TXNDC12: variants seen among roughly 807,000 people sequenced by gnomAD.
The protein encoded by TXNDC12 is thioredoxin domain containing 12, also known as thioredoxin domain-containing protein 12.
A neutral mutation model predicts 24.2 loss-of-function variants in TXNDC12; 22 were observed. The ratio of observed to expected loss-of-function variants is 0.91; its 90% CI spans 0.65 to 1.30. TXNDC12 has a LOEUF of 1.30. Ranked by LOEUF, TXNDC12 falls within the 50% of genes most tolerant of loss-of-function variation. The probability of loss-of-function intolerance (pLI) is 0.00; values close to 1 mark genes in which losing one functional copy is unlikely to be tolerated. For missense variants in TXNDC12, 184 were observed against 205.8 expected (o/e 0.89, Z 0.65); for synonymous variants, 58 against 73.4 (o/e 0.79, Z 1.07).
At chr1:52,040,787 T>G (rs1685972629) in intron 2 of TXNDC12, among the ~76,000 whole-genome samples, 1 of 151,970 alleles carries the variant, frequency 6.6e-6, no homozygotes, top group African/African-American at 2.4e-5. Flanking sequence ...TCCCAGCACT[T>G]TGGGAGGCCG....
intron 4 of TXNDC12, among the ~76,000 whole-genome samples, chr1:52,025,936 C>G (rs1466445768): frequency 6.6e-6 from 1 of 151,634 alleles, no homozygotes; most frequent in East Asian, 1.9e-4. Context: ...TCAAGCGATT[C>G]TCCTGCCTCA....
intron 1 of TXNDC12, among the ~76,000 whole-genome samples, chr1:52,042,786 C>G (rs1686018658): frequency 6.6e-6 from 1 of 152,158 alleles, no homozygotes; most frequent in Non-Finnish European, 1.5e-5. Flanking sequence ...CCAAGCCTGG[C>G]TAATTCTGTA....
At chr1:52,033,974 TA>T in intron 2 of TXNDC12, 1 of 1,417,584 alleles carries the variant, frequency 7.1e-7, no homozygotes, top group Non-Finnish European at 9.2e-7. Flanking sequence ...ATCAGTTATT[TA>T]TGCCAAATGT....
At chr1:52,031,568 C>T (rs1685757786) in intron 2 of TXNDC12, among the ~76,000 whole-genome samples, 1 of 151,996 alleles carries the variant, frequency 6.6e-6, no homozygotes, top group Non-Finnish European at 1.5e-5. Flanking sequence ...TCTCAGCTCA[C>T]TGCAACCTCC....
At chr1:52,032,844 G>A (rs1685792133) in intron 2 of TXNDC12, 1 of 1,614,256 alleles carries the variant, frequency 6.2e-7, no homozygotes, top group Non-Finnish European at 8.5e-7. Context: ...TAAACCGCAA[G>A]TGCTCTGTGG....
chr1:52,054,631 G>A (rs1371265588), intron 1 of TXNDC12, among the ~76,000 whole-genome samples: 5 of 152,200 alleles, frequency 3.3e-5, no homozygotes, highest in Non-Finnish European at 7.3e-5. Context: ...ACCCAGAACA[G>A]GGTCCTCTGC....
chr1:52,033,207 T>G (rs1447291382), intron 2 of TXNDC12: 1 of 1,614,226 alleles, frequency 6.2e-7, no homozygotes, highest in South Asian at 1.1e-5. Context: ...TCACAAGAGC[T>G]GGAGACTCCG....
At chr1:52,033,146 G>A in intron 2 of TXNDC12, 6 of 1,614,212 alleles carry the variant, frequency 3.7e-6, no homozygotes, top group South Asian at 1.1e-5. Flanking sequence ...AGGAGTTCGG[G>A]AGAGTAAAAG....
chr1:52,048,473 T>TA lies in TXNDC12; in HGVS notation c.97+6526dup, dbSNP rs57230386. On this transcript the variant is annotated intron_variant, in intron 1 of 6. Transcript: ENST00000371626. ...AGAGGGTGACCCTGTTTCTTTTCTT[T>TA]AAAAAAAAAAAAAAAAAAGCATGCC... Among the ~76,000 whole-genome samples the TA allele has an allele frequency of 5.1e-3, 603 of 118,766 alleles. 2 individuals are homozygous for TA. Among genetic ancestry groups the TA allele is most frequent in the African/African-American group, 7.8e-3 (253 of 32,238 alleles). 77.9% of individuals were successfully genotyped at this position (118,766 alleles called of 152,430 possible).
At chr1:52,033,256 T>C in intron 2 of TXNDC12, 1 of 1,613,980 alleles carries the variant, frequency 6.2e-7, no homozygotes, top group Non-Finnish European at 8.5e-7. Context: ...CTTGGGTACG[T>C]CGGCCTGGGC....
rs1685578931 is a variant in TXNDC12, at chr1:52,020,608, G to A, written c.*325C>T. The A allele has an allele frequency of 3.1e-6, 1 of 325,918 alleles. No individual in the cohort carries two copies. Among genetic ancestry groups the A allele is most frequent in the Non-Finnish European group, 5.6e-6 (1 of 177,906 alleles). 20.2% of individuals were successfully genotyped at this position (325,918 alleles called of 1,614,324 possible). ...AGTAAAGTGGGAGGAAATGGGAAAAGACTCAAATACTTAAGTGCGAGGAGT... is the reference window on the plus strand; with the variant it reads ...AGTAAAGTGGGAGGAAATGGGAAAAAACTCAAATACTTAAGTGCGAGGAGT... On this transcript the variant is annotated 3_prime_UTR_variant, in exon 7 of 7. Transcript: ENST00000371626.
intron 1 of TXNDC12, 39 bp downstream of exon 1, chr1:52,054,961 G>T: frequency 7.0e-7 from 1 of 1,436,620 alleles, no homozygotes; most frequent in Non-Finnish European, 9.8e-7. Context: ...GATCAGTATA[G>T]TAAAGATCAG....
intron 2 of TXNDC12, among the ~76,000 whole-genome samples, chr1:52,039,204 G>C (rs1685942066): frequency 6.6e-6 from 1 of 151,734 alleles, no homozygotes; most frequent in African/African-American, 2.4e-5. Flanking sequence ...AATGTCATGA[G>C]CATTCTCTGC....
chr1:52,041,648 T>G, intron 1 of TXNDC12, 51 bp from the exon 2 acceptor site: 1 of 1,276,142 alleles, frequency 7.8e-7, no homozygotes, highest in South Asian at 1.3e-5. Context: ...AAGGGCACAG[T>G]CCCAAGAAGG....
At chr1:52,032,566 G>C (rs1001940561) in intron 2 of TXNDC12, 22 of 1,413,718 alleles carry the variant, frequency 1.6e-5, no homozygotes, top group Middle Eastern at 2.6e-4. Flanking sequence ...AGGAAAGTTT[G>C]AGTGAATCAG....
At chr1:52,043,566 T>C (rs1026797849) in intron 1 of TXNDC12, among the ~76,000 whole-genome samples, 3 of 152,246 alleles carry the variant, frequency 2.0e-5, no homozygotes, top group African/African-American at 2.4e-5. Context: ...TTTTCTCATC[T>C]TTAAAAGAGG....
chr1:52,047,048 G>T (rs1180114508), intron 1 of TXNDC12, among the ~76,000 whole-genome samples: 1 of 151,714 alleles, frequency 6.6e-6, no homozygotes, highest in African/African-American at 2.4e-5. Context: ...GTCTCTAAAA[G>T]AAAAGAATTT....
intron 2 of TXNDC12, among the ~76,000 whole-genome samples, chr1:52,036,050 T>C (rs948539531): frequency 6.6e-6 from 1 of 152,180 alleles, no homozygotes; most frequent in African/African-American, 2.4e-5. Context: ...ATGAGTTGAT[T>C]TGCATAATTT....
intron 4 of TXNDC12, 150 bp from the exon 5 acceptor site, chr1:52,024,729 A>T: frequency 1.6e-6 from 1 of 610,350 alleles, no homozygotes; most frequent in East Asian, 2.8e-5. Context: ...GCACTTCTCT[A>T]ACTTAATGTC....
Sources: gnomAD v4.1 joint callset for allele counts (sites outside exome capture counted in the v4.1 genomes callset) on GRCh38, gnomAD v4.1.1 for gene constraint, MANE v1.5 for transcripts, NCBI Gene and HGNC (gene_info 2026-07-23, HGNC 2026-07-21) for gene names.